Variants in MYO1D observed in about 807,000 individuals in gnomAD.
MYO1D encodes the protein unconventional myosin-Id.
MYO1D carries 83 observed loss-of-function variants against 122.0 expected under a neutral mutation model. That is an observed-to-expected ratio of 0.68 (90% CI 0.57 to 0.82). The LOEUF (loss-of-function observed/expected upper bound fraction) is 0.82, where lower values mean the gene tolerates loss of function less well. MYO1D is among the 40% of genes least tolerant of loss of function. The pLI is 0.00. For missense variants in MYO1D, 1,157 were observed against 1,269.5 expected, an observed-to-expected ratio of 0.91 and a Z score of 1.35; for synonymous variants, 464 against 446.9, an observed-to-expected ratio of 1.04 and a Z score of -0.48.
intron 1 of MYO1D, among the ~76,000 whole-genome samples, chr17:32,799,566 G>C (rs2090444239): frequency 6.6e-6 from 1 of 151,864 alleles, no homozygotes; most frequent in African/African-American, 2.4e-5. Context: ...CATAAGACCT[G>C]AACCTATAAA....
intron 16 of MYO1D, among the ~76,000 whole-genome samples, chr17:32,701,261 G>C (rs1350978527): frequency 2.0e-5 from 3 of 152,122 alleles, no homozygotes; most frequent in Non-Finnish European, 4.4e-5. Flanking sequence ...CAAAGAACTA[G>C]AGTAAGCTGT....
At chr17:32,724,755 T>C (rs2089552863) in intron 14 of MYO1D, among the ~76,000 whole-genome samples, 1 of 152,146 alleles carries the variant, frequency 6.6e-6, no homozygotes, top group Admixed American at 6.5e-5. Flanking sequence ...GGCAGTCCTT[T>C]ACAGAGCCCA....
chr17:32,653,128 T>C (rs1213368693), intron 19 of MYO1D, among the ~76,000 whole-genome samples: 4 of 149,258 alleles, frequency 2.7e-5, no homozygotes, highest in Admixed American at 6.7e-5. Context: ...GGCGACAGAA[T>C]GAGACTCCGT....
rs896752076 is a variant in MYO1D at position 32,715,402 on chromosome 17, C to A, written c.1914-3207G>T. On this transcript the variant is annotated intron_variant, in intron 15 of 21. Transcript: ENST00000318217. ...ATGTAGGAAGCATCTGTTAATTACT[C>A]CCTAATTACAGTTAATTACTTCCTT... Among the ~76,000 whole-genome samples the A allele has an allele frequency of 2.0e-5, 3 of 152,146 alleles. No homozygotes were observed. The East Asian group carries it at 5.8e-4, about 29-fold the overall frequency.
chr17:32,777,982 G>A (rs1457864938), intron 3 of MYO1D, among the ~76,000 whole-genome samples: 1 of 152,164 alleles, frequency 6.6e-6, no homozygotes, highest in East Asian at 1.9e-4. Context: ...TCCACTGTCA[G>A]TGGATTCTGA....
intron 21 of MYO1D, among the ~76,000 whole-genome samples, chr17:32,522,844 T>G (rs1910197234): frequency 1.4e-5 from 2 of 145,548 alleles, no homozygotes; most frequent in African/African-American, 2.6e-5. Flanking sequence ...TGAGATGGAG[T>G]CTCGCTCTGT....
At chr17:32,743,182 T>C (rs1451405553) in intron 13 of MYO1D, among the ~76,000 whole-genome samples, 1 of 152,194 alleles carries the variant, frequency 6.6e-6, no homozygotes, top group Non-Finnish European at 1.5e-5. Context: ...CAGGAATTAG[T>C]CTTTTTAACC....
chr17:32,820,468 G>C (rs2090651109), intron 1 of MYO1D, among the ~76,000 whole-genome samples: 1 of 152,206 alleles, frequency 6.6e-6, no homozygotes, highest in African/African-American at 2.4e-5. Context: ...TGCCATTTGT[G>C]ACATGAATGA....
chr17:32,521,140 A>T (rs1429144239), intron 21 of MYO1D, among the ~76,000 whole-genome samples: 2 of 152,228 alleles, frequency 1.3e-5, no homozygotes, highest in Non-Finnish European at 2.9e-5. Flanking sequence ...AAGCAAGAAC[A>T]CATCTAAAAT....
chr17:32,495,063 C>T (rs1909040935), intron 21 of MYO1D, 148 bp from the exon 22 acceptor site: 9 of 977,346 alleles, frequency 9.2e-6, no homozygotes, highest in South Asian at 3.6e-5. Context: ...CCAGAGAGGC[C>T]GAGGCAAGGC....
chr17:32,503,264 C>T (rs1470273913), intron 21 of MYO1D, among the ~76,000 whole-genome samples: 1 of 152,226 alleles, frequency 6.6e-6, no homozygotes, highest in East Asian at 1.9e-4. Context: ...GTCAGCTGGG[C>T]AGTGCAGGGT....
chr17:32,659,209 T>C lies in MYO1D; in HGVS notation c.2251A>G (p.Lys751Glu). The C allele has an allele frequency of 1.2e-6, 2 of 1,614,242 alleles. No homozygotes were observed. Among genetic ancestry groups the C allele is most frequent in the Non-Finnish European group, 1.7e-6 (2 of 1,180,038 alleles). The change falls in exon 17 of 22, where the codon AAG becomes GAG. Residue 751 changes from lysine to glutamate, a missense_variant. Lys to Glu is a moderately conservative substitution (Grantham distance 56). Coordinates refer to ENST00000318217, the MANE Select transcript of MYO1D (RefSeq NM_015194.3). ...TGCTTCCCGTAGTCTCGCATGGTCT[T>C]GACGCCATGGAAGCGTCTGGCCACC... ...HEVARRFHGV[K>E]TMRDYGKHVK...
chr17:32,775,821 T>A lies in MYO1D; in HGVS notation c.564+43A>T, dbSNP rs762161554. 3.4e-6 allele frequency: 5 copies of A among 1,476,890 alleles called. 1 individual carries two copies. The South Asian group carries it at 6.3e-5, about 18-fold the overall frequency. The allele number at this position is 1,476,890 out of a possible 1,614,324, so 91.5% of individuals were successfully genotyped here. On this transcript the variant is annotated intron_variant, in intron 4 of 21. Coordinates refer to ENST00000318217, the MANE Select transcript of MYO1D (RefSeq NM_015194.3). Reference sequence around the variant, plus strand: ...CTATAAATATAATTTGTTTAAACATTCAGCACTTAAAACATTACCCTCAGA... The same window carrying A: ...CTATAAATATAATTTGTTTAAACATACAGCACTTAAAACATTACCCTCAGA...
At chr17:32,558,678 T>C (rs2087090209) in intron 21 of MYO1D, among the ~76,000 whole-genome samples, 1 of 152,242 alleles carries the variant, frequency 6.6e-6, no homozygotes, top group South Asian at 2.1e-4. Flanking sequence ...ACACGCTCCG[T>C]CTCTTCTGCC....
chr17:32,760,300 G>T lies in MYO1D; in HGVS notation c.1286C>A (p.Pro429His). ...TAAGAGTCCACTCACATGTTTCCAG[G>T]GGATCCCTTCCCGCTGGTATTCCTC... is the stretch of plus-strand genomic sequence containing the variant. Reference protein sequence around the residue: ...EQEEYQREGIPWKHIDYFNNQ... With the variant: ...EQEEYQREGIHWKHIDYFNNQ... The change falls in exon 10 of 22, where the codon CCC (proline) becomes CAC (histidine). Residue 429 changes from proline to histidine, a missense_variant. Coordinates refer to ENST00000318217, the MANE Select transcript of MYO1D (RefSeq NM_015194.3). The T allele has an allele frequency of 6.2e-7, 1 of 1,608,358 alleles. No individual in the cohort carries two copies. Among genetic ancestry groups the T allele is most frequent in the Non-Finnish European group, 8.5e-7 (1 of 1,175,660 alleles).
intron 19 of MYO1D, among the ~76,000 whole-genome samples, chr17:32,644,689 G>C (rs944857548): frequency 9.2e-5 from 14 of 152,056 alleles, no homozygotes; most frequent in Admixed American, 9.2e-4. Flanking sequence ...TGTCTCTTTT[G>C]ATCTTCGTTG....
At chr17:32,520,210 A>G (rs769471213) in intron 21 of MYO1D, among the ~76,000 whole-genome samples, 6 of 152,086 alleles carry the variant, frequency 3.9e-5, no homozygotes, top group Non-Finnish European at 8.8e-5. Flanking sequence ...GAGGGTGGAA[A>G]CCGGTCTGAA....
intron 20 of MYO1D, among the ~76,000 whole-genome samples, chr17:32,629,901 C>T (rs2087981666): frequency 6.6e-6 from 1 of 152,138 alleles, no homozygotes; most frequent in Non-Finnish European, 1.5e-5. Context: ...TACAGGTTAA[C>T]AATTCTGATA....
chr17:32,798,467 T>G (rs1043379162), intron 1 of MYO1D, among the ~76,000 whole-genome samples: 8 of 152,212 alleles, frequency 5.3e-5, no homozygotes, highest in African/African-American at 1.9e-4. Flanking sequence ...AGTGGTTACT[T>G]CCCTTCCCCT....
Sources: allele counts gnomAD v4.1 joint callset (sites outside exome capture counted in the v4.1 genomes callset), GRCh38; gene constraint gnomAD v4.1.1; transcripts MANE v1.5; gene names NCBI Gene and HGNC (gene_info 2026-07-23, HGNC 2026-07-21).